PLCG2: variants seen among roughly 807,000 people sequenced by gnomAD.
The protein encoded by PLCG2 is phospholipase C gamma 2.
Under a neutral mutation model 175.6 loss-of-function variants are expected in PLCG2, and 69 were observed. That is an observed-to-expected ratio of 0.39 (90% CI 0.32 to 0.48). The LOEUF is 0.48. Among genes scored for constraint, PLCG2 ranks in the 20% least tolerant of loss-of-function variants. The pLI is 0.91. For synonymous variants in PLCG2, 827 were observed against 624.0 expected (o/e 1.33, Z -4.85); for missense variants, 1,798 against 1,650.9 (o/e 1.09, Z -1.54).
intron 2 of PLCG2, among the ~76,000 whole-genome samples, chr16:81,790,257 C>T (rs1354337086): frequency 2.0e-5 from 3 of 152,124 alleles, no homozygotes; most frequent in African/African-American, 7.2e-5. Flanking sequence ...TGTAGTCTTC[C>T]TTAGGGGTTT....
intron 2 of PLCG2, among the ~76,000 whole-genome samples, chr16:81,803,065 G>T (rs144978760): frequency 1.3e-5 from 2 of 148,962 alleles, no homozygotes; most frequent in Non-Finnish European, 3.0e-5. Context: ...CCTTTACAGA[G>T]TTTCCTATTC....
In PLCG2 at chr16:81,912,283, C is replaced by G. The variant is rs145051374; in HGVS notation, c.1935-314C>G. ...GTCTCATTGTGTTGGCCAGGCTGGT[C>G]TCAAACTCCTGACCCCAAGTGATCC... On this transcript the variant is annotated intron_variant, in intron 18 of 32. Coordinates refer to ENST00000564138, the MANE Select transcript of PLCG2 (RefSeq NM_002661.5). 4.7e-3 allele frequency among the ~76,000 whole-genome samples: 713 copies of G among 152,162 alleles called. 8 individuals are homozygous for G. The highest frequency in any genetic ancestry group is 0.016 in the African/African-American group (660 of 41,508).
chr16:81,761,577 A>G (rs1468544750), intron 2 of PLCG2, among the ~76,000 whole-genome samples: 2 of 152,118 alleles, frequency 1.3e-5, no homozygotes, highest in Non-Finnish European at 2.9e-5. Flanking sequence ...CTCGAACTTC[A>G]TTATGCCCCA....
At chr16:81,935,697 C>T in intron 26 of PLCG2, 1 of 985,292 alleles carries the variant, frequency 1.0e-6, no homozygotes, top group Non-Finnish European at 1.2e-6. Flanking sequence ...TGTCCCCTTC[C>T]CTCTCCTCCT....
chr16:81,926,407 G>T (rs1753807527), intron 22 of PLCG2, among the ~76,000 whole-genome samples: 1 of 152,214 alleles, frequency 6.6e-6, no homozygotes, highest in Admixed American at 6.5e-5. Context: ...GCCTTGCCGG[G>T]AGGAATCTTA....
intron 5 of PLCG2, among the ~76,000 whole-genome samples, chr16:81,867,600 C>T (rs1429558246): frequency 6.6e-6 from 1 of 152,220 alleles, no homozygotes; most frequent in Non-Finnish European, 1.5e-5. Context: ...CAACACCTGT[C>T]ACCTGATAAG....
chr16:81,913,983 C>G (rs1909737721), intron 19 of PLCG2, among the ~76,000 whole-genome samples: 1 of 152,240 alleles, frequency 6.6e-6, no homozygotes, highest in Admixed American at 6.5e-5. Flanking sequence ...TTTCTGTACT[C>G]TCTGTTCCCA....
At chr16:81,878,946 G>A (rs113298118) in intron 7 of PLCG2, among the ~76,000 whole-genome samples, 2 of 152,212 alleles carry the variant, frequency 1.3e-5, no homozygotes, top group African/African-American at 4.8e-5. Flanking sequence ...TGAGCTTCCG[G>A]TTGCTTCAAC....
chr16:81,874,969 T>TTA (rs1907705693), intron 7 of PLCG2, among the ~76,000 whole-genome samples: 1 of 144,106 alleles, frequency 6.9e-6, no homozygotes, highest in Non-Finnish European at 1.5e-5. Context: ...TTTTTTTTTT[T>TTA]TTTTTTTTAT....
At position 81,908,410 on chromosome 16, in the gene PLCG2, G is replaced by A. The variant is rs750110533; in HGVS notation, c.1558-6G>A. On this transcript the variant is annotated splice_region_variant and splice_polypyrimidine_tract_variant and intron_variant, in intron 16 of 32. Transcript: ENST00000564138. Reference sequence around the variant, plus strand: ...TTCAGAAACCCCTCCTCTCTTTGCGGCCCAGGATATACCCCCTACAGAACT... The same window carrying A: ...TTCAGAAACCCCTCCTCTCTTTGCGACCCAGGATATACCCCCTACAGAACT... 3.1e-6 allele frequency: 5 copies of A among 1,612,758 alleles called. No individual in the cohort carries two copies. The highest frequency in any genetic ancestry group is 4.2e-6 in the Non-Finnish European group (5 of 1,179,296).
At chr16:81,854,323 C>A in intron 2 of PLCG2, 121 bp from the exon 3 acceptor site, 1 of 868,210 alleles carries the variant, frequency 1.2e-6, no homozygotes, top group Non-Finnish European at 1.9e-6. Context: ...GCAGAGATAG[C>A]TTTGCGGGAT....
intron 24 of PLCG2, among the ~76,000 whole-genome samples, chr16:81,929,093 ACCCAGCCCG>A (rs980125937): frequency 2.6e-5 from 4 of 152,146 alleles, no homozygotes; most frequent in Non-Finnish European, 1.5e-5. Flanking sequence ...GGCCCAGGAA[ACCCAGCCCG>A]CCCACGTTGA....
At chr16:81,789,881 C>T (rs1911154189) in intron 2 of PLCG2, among the ~76,000 whole-genome samples, 1 of 144,458 alleles carries the variant, frequency 6.9e-6, no homozygotes. Flanking sequence ...CATTTGGATG[C>T]CCACTGTAGG....
chr16:81,916,707 G>C (rs969855397), intron 19 of PLCG2, among the ~76,000 whole-genome samples: 1 of 151,844 alleles, frequency 6.6e-6, no homozygotes, highest in African/African-American at 2.4e-5. Context: ...GCGTGATCTT[G>C]GCTCACTGCA....
At chr16:81,881,269 C>G (rs1908067960) in intron 8 of PLCG2, among the ~76,000 whole-genome samples, 1 of 151,840 alleles carries the variant, frequency 6.6e-6, no homozygotes, top group African/African-American at 2.4e-5. Context: ...ATTACAAAAA[C>G]TAATGTTAAT....
At chr16:81,909,715 A>T (rs1020612439) in intron 17 of PLCG2, among the ~76,000 whole-genome samples, 1 of 152,210 alleles carries the variant, frequency 6.6e-6, no homozygotes, top group Non-Finnish European at 1.5e-5. Context: ...CACCTGGCTG[A>T]AAATTAGAAT....
chr16:81,914,427 G>A (rs1909755904), intron 19 of PLCG2, among the ~76,000 whole-genome samples: 1 of 152,238 alleles, frequency 6.6e-6, no homozygotes, highest in Admixed American at 6.5e-5. Context: ...GCCATCTGGG[G>A]ATGGGGTTGG....
At chr16:81,741,863 G>A (rs1428582614) in intron 1 of PLCG2, among the ~76,000 whole-genome samples, 3 of 152,028 alleles carry the variant, frequency 2.0e-5, no homozygotes, top group African/African-American at 4.8e-5. Flanking sequence ...CACTTCAAAC[G>A]TTTGTCATTT....
intron 1 of PLCG2, among the ~76,000 whole-genome samples, chr16:81,743,383 C>T (rs962004400): frequency 6.6e-6 from 1 of 152,120 alleles, no homozygotes; most frequent in African/African-American, 2.4e-5. Flanking sequence ...AACCGGTGTG[C>T]TCTGTCTCTT....
Sources: gnomAD v4.1 joint callset for allele counts (sites outside exome capture counted in the v4.1 genomes callset) on GRCh38, gnomAD v4.1.1 for gene constraint, MANE v1.5 for transcripts, NCBI Gene and HGNC (gene_info 2026-07-23, HGNC 2026-07-21) for gene names.